MDGA2: variants seen among roughly 807,000 people sequenced by gnomAD.
MDGA2 encodes the protein MAM domain containing glycosylphosphatidylinositol anchor 2.
A neutral mutation model predicts 117.8 loss-of-function variants in MDGA2; 40 were observed. The ratio of observed to expected loss-of-function variants is 0.34; its 90% CI spans 0.26 to 0.44. MDGA2 has a LOEUF of 0.44. Ranked by LOEUF, MDGA2 falls within the 20% of genes least tolerant of loss-of-function variation. MDGA2 has a pLI of 1.00. For missense variants in MDGA2, 1,123 were observed against 1,250.6 expected, an observed-to-expected ratio of 0.90 and a Z score of 1.54; for synonymous variants, 452 against 439.0, an observed-to-expected ratio of 1.03 and a Z score of -0.37.
chr14:47,540,554 G>A (rs151320389), intron 1 of MDGA2, among the ~76,000 whole-genome samples: 62,081 of 99,302 alleles, frequency 0.63, 18,997 homozygotes, highest in East Asian at 0.97. Flanking sequence ...ATATATATAT[G>A]TATATATATA....
chr14:47,479,864 C>A (rs2138632412), intron 1 of MDGA2, among the ~76,000 whole-genome samples: 1 of 152,188 alleles, frequency 6.6e-6, no homozygotes, highest in East Asian at 1.9e-4. Context: ...TATATTTACA[C>A]CAACAATTTA....
At chr14:47,624,872 A>G (rs1897113107) in intron 1 of MDGA2, among the ~76,000 whole-genome samples, 1 of 152,216 alleles carries the variant, frequency 6.6e-6, no homozygotes, top group African/African-American at 2.4e-5. Context: ...CAAATGCAGG[A>G]TAAGTGAATT....
At chr14:47,456,466 T>A (rs1893356871) in intron 1 of MDGA2, among the ~76,000 whole-genome samples, 3 of 151,690 alleles carry the variant, frequency 2.0e-5, no homozygotes, top group Admixed American at 2.0e-4. Flanking sequence ...CTAATTTTTT[T>A]TTTTTTTTTA....
chr14:47,087,936 T>A (rs534779230), intron 6 of MDGA2, among the ~76,000 whole-genome samples: 3 of 152,158 alleles, frequency 2.0e-5, no homozygotes, highest in African/African-American at 7.2e-5. Flanking sequence ...CTATCATTTT[T>A]AAAAGAAAAT....
chr14:47,671,994 C>T (rs1898083869), intron 1 of MDGA2, among the ~76,000 whole-genome samples: 1 of 152,126 alleles, frequency 6.6e-6, no homozygotes, highest in South Asian at 2.1e-4. Context: ...GTAATCATCA[C>T]TCGAGGTGAT....
At chr14:47,285,671 T>A (rs1413389204) in intron 2 of MDGA2, among the ~76,000 whole-genome samples, 1 of 152,064 alleles carries the variant, frequency 6.6e-6, no homozygotes, top group Admixed American at 6.6e-5. Context: ...AGAAGACAAA[T>A]TAAGTCTTCT....
intron 1 of MDGA2, among the ~76,000 whole-genome samples, chr14:47,462,494 T>G (rs1893511410): frequency 6.6e-6 from 1 of 152,172 alleles, no homozygotes; most frequent in African/African-American, 2.4e-5. Flanking sequence ...AAAGAATAAC[T>G]GCTTCATACG....
intron 5 of MDGA2, among the ~76,000 whole-genome samples, chr14:47,129,248 G>A (rs76475597): frequency 2.4e-5 from 3 of 123,172 alleles, no homozygotes; most frequent in South Asian, 2.3e-4. Flanking sequence ...CTCCCCCCCC[G>A]ACCCCACAAC....
At chr14:46,970,953 T>G (rs941401761) in intron 8 of MDGA2, among the ~76,000 whole-genome samples, 6 of 152,002 alleles carry the variant, frequency 3.9e-5, no homozygotes, top group Non-Finnish European at 8.8e-5. Context: ...ACATCACTAA[T>G]CATTAGGAAA....
At chr14:47,492,057 G>A (rs571556551) in intron 1 of MDGA2, among the ~76,000 whole-genome samples, 2 of 152,102 alleles carry the variant, frequency 1.3e-5, no homozygotes, top group East Asian at 1.9e-4. Context: ...GTGACCATTC[G>A]AGAACATTTA....
rs935138870 is a variant in MDGA2, at chr14:46,840,116, T to C, written c.*1815A>G. 6 of 152,474 alleles carry C rather than the reference T, an allele frequency of 3.9e-5. No individual in the cohort carries two copies. The highest frequency in any genetic ancestry group is 6.6e-5 in the Admixed American group (1 of 15,232). 9.4% of individuals were successfully genotyped at this position (152,474 alleles called of 1,614,324 possible). A position where few individuals can be genotyped will look rare whatever the true frequency, so the allele number is the denominator to read the frequency against. On this transcript the variant is annotated 3_prime_UTR_variant, in exon 17 of 17. Coordinates refer to ENST00000399232, the MANE Select transcript of MDGA2 (RefSeq NM_001113498.3). ...ATACCTTACCTGGAAAGAGGCTTTATTGAACATAGCTGTAAAATTATATTT... is the reference window on the plus strand; with the variant it reads ...ATACCTTACCTGGAAAGAGGCTTTACTGAACATAGCTGTAAAATTATATTT...
rs1566657524 is a variant in MDGA2 at position 47,161,312 on chromosome 14, C to A, written c.596-17038G>T. ...GCATTTGTTTTGTTCATAGTTTTTA[C>A]TATCAATTATCTGTTTAAGTGCCTT... On this transcript the variant is annotated intron_variant, in intron 3 of 16. Coordinates refer to ENST00000399232, the MANE Select transcript of MDGA2 (RefSeq NM_001113498.3). Among the ~76,000 whole-genome samples, 7 of 152,062 alleles carry A rather than the reference C, an allele frequency of 4.6e-5. 1 individual carries two copies. The South Asian group carries it at 1.5e-3, about 32-fold the overall frequency.
At chr14:47,214,762 GTTTTAGCTCTAAAGGTAGAAAC>G (rs1886022629) in intron 3 of MDGA2, among the ~76,000 whole-genome samples, 1 of 152,030 alleles carries the variant, frequency 6.6e-6, no homozygotes, top group Non-Finnish European at 1.5e-5. Context: ...TTTTAGGAAG[GTTTTAGCTCTAAAGGTAGAAAC>G]TTGTAGAACG....
chr14:47,285,559 G>C (rs1275036602), intron 2 of MDGA2, among the ~76,000 whole-genome samples: 1 of 152,000 alleles, frequency 6.6e-6, no homozygotes, highest in Non-Finnish European at 1.5e-5. Context: ...TAATGTAGAG[G>C]GTTTAAAGCT....
At chr14:47,278,170 G>C (rs919727905) in intron 2 of MDGA2, among the ~76,000 whole-genome samples, 1 of 151,554 alleles carries the variant, frequency 6.6e-6, no homozygotes, top group Non-Finnish European at 1.5e-5. Flanking sequence ...AAAAATAAAC[G>C]AATGAACACA....
chr14:47,123,813 T>A (rs1881769198), intron 5 of MDGA2, among the ~76,000 whole-genome samples: 1 of 152,046 alleles, frequency 6.6e-6, no homozygotes, highest in South Asian at 2.1e-4. Context: ...AACAATGCTG[T>A]CCCCAAAAGA....
intron 1 of MDGA2, among the ~76,000 whole-genome samples, chr14:47,337,658 AAAG>A (rs1437188837): frequency 6.6e-6 from 1 of 152,030 alleles, no homozygotes; most frequent in African/African-American, 2.4e-5. Context: ...GATATTTGAT[AAAG>A]GAGGAGAAAG....
intron 10 of MDGA2, among the ~76,000 whole-genome samples, chr14:46,913,822 A>G (rs1883798029): frequency 6.6e-6 from 1 of 152,154 alleles, no homozygotes. Flanking sequence ...ACTTACTTTT[A>G]TAAGACGTTG....
At chr14:47,343,276 A>C in intron 1 of MDGA2, 3 of 1,133,970 alleles carry the variant, frequency 2.6e-6, no homozygotes, top group Non-Finnish European at 3.3e-6. Flanking sequence ...TTACATCAGG[A>C]AGGCAATGTT....
Sources: allele counts gnomAD v4.1 joint callset (sites outside exome capture counted in the v4.1 genomes callset), GRCh38; gene constraint gnomAD v4.1.1; transcripts MANE v1.5; gene names NCBI Gene and HGNC (gene_info 2026-07-23, HGNC 2026-07-21).